TFAP4: variants seen among roughly 807,000 people sequenced by gnomAD.
The protein encoded by TFAP4 is activating enhancer-binding protein 4.
Under a neutral mutation model 40.4 loss-of-function variants are expected in TFAP4, and 7 were observed. The ratio of observed to expected loss-of-function variants is 0.17; its 90% CI spans 0.10 to 0.33. The LOEUF (loss-of-function observed/expected upper bound fraction) is 0.33. TFAP4 is among the 10% of genes least tolerant of loss of function. TFAP4 has a pLI of 1.00. For missense variants in TFAP4, 374 were observed against 451.1 expected, an observed-to-expected ratio of 0.83 and a Z score of 1.55; for synonymous variants, 218 against 181.4, an observed-to-expected ratio of 1.20 and a Z score of -1.62.
intron 1 of TFAP4, among the ~76,000 whole-genome samples, chr16:4,267,551 T>A (rs1179138228): frequency 1.3e-5 from 2 of 152,244 alleles, no homozygotes; most frequent in Non-Finnish European, 2.9e-5. Flanking sequence ...CTTGGAGGCA[T>A]GGGGCATGCC....
At chr16:4,272,625 T>C (rs770597535) in intron 1 of TFAP4, 33 bp downstream of exon 1, 1 of 1,492,872 alleles carries the variant, frequency 6.7e-7, no homozygotes, top group East Asian at 2.5e-5. Context: ...GCTGCAGTGG[T>C]AGGAAGGGGG....
chr16:4,270,135 A>C (rs1326006768), intron 1 of TFAP4, among the ~76,000 whole-genome samples: 1 of 152,176 alleles, frequency 6.6e-6, no homozygotes, highest in East Asian at 1.9e-4. Context: ...CAGTGAGCCA[A>C]GATTGCACTC....
Position 4,257,825 on chromosome 16 carries a change from G to C in TFAP4, c.*230C>G. The C allele has an allele frequency of 3.2e-4, 131 of 408,700 alleles. No homozygotes were observed. The highest frequency in any genetic ancestry group is 1.4e-3 in the Middle Eastern group (2 of 1,404). The allele number at this position is 408,700 out of a possible 1,614,324, so 25.3% of individuals were successfully genotyped here. On this transcript the variant is annotated 3_prime_UTR_variant, in exon 7 of 7. Coordinates refer to ENST00000204517, the MANE Select transcript of TFAP4 (RefSeq NM_003223.3). ...CTCCAGCCCCCGGGGCCGAGGCCCC[G>C]CCCTGGGGTGCCGATGCTCCCACAC...
Position 4,262,432 on chromosome 16 carries a change from T to G in TFAP4, c.256-10A>C. 2 of 1,614,010 alleles carry G rather than the reference T, an allele frequency of 1.2e-6. No homozygotes were observed. The highest frequency in any genetic ancestry group is 1.7e-6 in the Non-Finnish European group (2 of 1,179,964). On this transcript the variant is annotated splice_polypyrimidine_tract_variant and intron_variant, in intron 2 of 6. Transcript: ENST00000204517. The stretch of plus-strand genomic sequence containing the variant: ...GCTGGAGAATGGCTGCCTGAGGGCG[T>G]GGAAAAGCCGAGAGTCAGGCTGGCA...
Position 4,258,350 on chromosome 16 carries a change from T to C in TFAP4, c.823-101A>G, listed in dbSNP as rs147098490. 22 of 1,172,266 alleles carry C rather than the reference T, an allele frequency of 1.9e-5. No homozygotes were observed. In the Middle Eastern group the frequency reaches 6.9e-4, roughly 37 times the overall value. 72.6% of individuals were successfully genotyped at this position (1,172,266 alleles called of 1,614,324 possible). A position where few individuals can be genotyped will look rare whatever the true frequency, so the allele number is the denominator to read the frequency against. ...CAGCCACTGTCACCCCCAAAACACA[T>C]AGCCCAGAAAAAAGCCTGGCAAAGC... On this transcript the variant is annotated intron_variant, in intron 6 of 6. Transcript: ENST00000204517.
intron 3 of TFAP4, 164 bp from the exon 4 acceptor site, chr16:4,262,113 G>A: frequency 1.1e-6 from 1 of 900,292 alleles, no homozygotes; most frequent in Non-Finnish European, 1.7e-6. Context: ...AGAATGGGCT[G>A]CTTTACATAA....
Position 4,258,203 on chromosome 16 carries a change from T to A in TFAP4, c.869A>T (p.Glu290Val). The change falls in exon 7 of 7, where the codon GAG becomes GTG. Residue 290 changes from glutamate (E) to valine (V), a missense_variant. Glu to Val is a moderately radical substitution (Grantham distance 121, BLOSUM62 -2). Transcript: ENST00000204517. The stretch of plus-strand genomic sequence containing the variant: ...CACGATGACAGCTCGCCGCTGCTCC[T>A]CCTCCAGCTCCTGCTTTTCCTGGGT... The part of the protein sequence containing the change: ...EGTQEKQELE[E>V]EQRRAVIVKP... 3 of 1,608,946 alleles carry A rather than the reference T, an allele frequency of 1.9e-6. No homozygotes were observed. Among genetic ancestry groups the A allele is most frequent in the Non-Finnish European group, 2.6e-6 (3 of 1,176,224 alleles).
chr16:4,263,022 A>C, intron 1 of TFAP4: 1 of 305,264 alleles, frequency 3.3e-6, no homozygotes, highest in Non-Finnish European at 6.3e-6. Context: ...AAAAAATAAA[A>C]TTAGCCAGGT....
At chr16:4,268,700 T>G (rs924904142) in intron 1 of TFAP4, among the ~76,000 whole-genome samples, 3 of 152,144 alleles carry the variant, frequency 2.0e-5, no homozygotes, top group Non-Finnish European at 4.4e-5. Flanking sequence ...CAGGTCGTCC[T>G]CCTTCCTCAG....
At chr16:4,272,546 G>A in intron 1 of TFAP4, 112 bp downstream of exon 1, 1 of 713,982 alleles carries the variant, frequency 1.4e-6, no homozygotes, top group South Asian at 2.8e-5. Flanking sequence ...AGCTAAGAAA[G>A]GCTAGCGGGG....
rs1427041427 is a variant in TFAP4 at position 4,258,088 on chromosome 16, C to T, written c.984G>A (p.Arg328=). The T allele has an allele frequency of 6.2e-7, 1 of 1,613,314 alleles. No individual in the cohort carries two copies. Among genetic ancestry groups the T allele is most frequent in the African/African-American group, 1.3e-5 (1 of 75,024 alleles). ...GCTCCCCGTCCCCCGACGGCTCCTC[C>T]CGGCTCTGGTCCATGGCGTCACTGT... ...ASDSDAMDQS[R]EEPSGDGELP Residue 328 remains arginine, a synonymous_variant, in exon 7 of 7, where the codon CGG becomes CGA. Coordinates refer to ENST00000204517, the MANE Select transcript of TFAP4 (RefSeq NM_003223.3).
chr16:4,269,870 T>C (rs927072200), intron 1 of TFAP4, among the ~76,000 whole-genome samples: 1 of 152,078 alleles, frequency 6.6e-6, no homozygotes, highest in Non-Finnish European at 1.5e-5. Flanking sequence ...ACCATATACC[T>C]GCCCATATAC....
In TFAP4 at chr16:4,268,440, G is replaced by A. The variant is rs141629754; in HGVS notation, c.89+4218C>T. ...AGGCTGTGAGCTGCTGAGGACAGGA[G>A]TCACATCCTGTTCATGGCTGTATCC... On this transcript the variant is annotated intron_variant, in intron 1 of 6. Transcript: ENST00000204517. 3.6e-3 allele frequency among the ~76,000 whole-genome samples: 547 copies of A among 152,254 alleles called. 4 individuals are homozygous for A. Among genetic ancestry groups the A allele is most frequent in the African/African-American group, 0.012 (511 of 41,546 alleles).
intron 1 of TFAP4, among the ~76,000 whole-genome samples, chr16:4,271,204 G>A (rs908956340): frequency 6.6e-6 from 1 of 152,212 alleles, no homozygotes; most frequent in African/African-American, 2.4e-5. Context: ...GGACCCCCGG[G>A]GCAGAGGGTT....
At position 4,258,167 on chromosome 16, in the gene TFAP4, C is replaced by T. The variant is rs1365015489; in HGVS notation, c.905G>A (p.Arg302His). ...QRRAVIVKPV[R>H]SCPEAPTSDT... ...AGAGGTGGGGGCCTCCGGGCAGCTG[C>T]GGACAGGCTTCACGATGACAGCTCG... The change falls in exon 7 of 7, where the codon CGC becomes CAC. Residue 302 changes from arginine (R) to histidine (H), a missense_variant. Arg to His is a conservative substitution (Grantham distance 29). Around this residue, in one of 6 missense-constraint regions of TFAP4, gnomAD observed 93 missense variants for 79.2 expected, o/e 1.17. Transcript: ENST00000204517. 3.7e-6 allele frequency: 6 copies of T among 1,613,916 alleles called. No homozygotes were observed. Among genetic ancestry groups the T allele is most frequent in the Non-Finnish European group, 5.1e-6 (6 of 1,179,922 alleles).
chr16:4,260,421 C>A, intron 5 of TFAP4, 34 bp downstream of exon 5: 1 of 1,545,854 alleles, frequency 6.5e-7, no homozygotes, highest in South Asian at 1.2e-5. Context: ...CCTTCCCGGT[C>A]CCCAGAGCCC....
intron 6 of TFAP4, among the ~76,000 whole-genome samples, chr16:4,259,380 C>A (rs1258127640): frequency 6.6e-6 from 1 of 152,072 alleles, no homozygotes; most frequent in Non-Finnish European, 1.5e-5. Flanking sequence ...AGTGATCCAC[C>A]CACTTTGGCC....
Position 4,260,252 on chromosome 16 carries a change from G to A in TFAP4, c.667-7C>T. On this transcript the variant is annotated splice_polypyrimidine_tract_variant and splice_region_variant and intron_variant, in intron 5 of 6. Transcript: ENST00000204517. ...GGGCCGGAGGGGGCAGAAGCTGCAA[G>A]ACAGAGGCCCTCAGCCTTTCTCTCA... 1 of 1,559,888 alleles carries A rather than the reference G, an allele frequency of 6.4e-7. No homozygotes were observed. The highest frequency in any genetic ancestry group is 8.7e-7 in the Non-Finnish European group (1 of 1,155,606).
Position 4,260,224 on chromosome 16 carries a change from T to TGGGGCCACCACCCGGGGGGGGGGGGGGGG in TFAP4, c.687_688insCCCCCCCCCCCCCCCCGGGTGGTGGCCCC (p.Thr230ProfsTer16). ...GGCACGATCACCGTGGGGTGGTGGGTGGGGGCCGGAGGGGGCAGAAGCTGC... is the reference window on the plus strand; with the variant it reads ...GGCACGATCACCGTGGGGTGGTGGGTGGGGCCACCACCCGGGGGGGGGGGGGGGGGGGGGCCGGAGGGGGCAGAAGCTGC... On this transcript the variant is annotated frameshift_variant, in exon 6 of 7. Coordinates refer to ENST00000204517, the MANE Select transcript of TFAP4 (RefSeq NM_003223.3). LOFTEE classifies it high-confidence loss of function. 4.5e-6 allele frequency: 1 copy of TGGGGCCACCACCCGGGGGGGGGGGGGGGG among 223,764 alleles called. No homozygotes were observed. The highest frequency in any genetic ancestry group is 7.9e-6 in the Non-Finnish European group (1 of 126,040). The allele number at this position is 223,764 out of a possible 1,614,324, so 13.9% of individuals were successfully genotyped here. A position where few individuals can be genotyped will look rare whatever the true frequency, so the allele number is the denominator to read the frequency against.
Sources: gnomAD v4.1 joint callset for allele counts (sites outside exome capture counted in the v4.1 genomes callset) on GRCh38, gnomAD v4.1.1 for gene constraint, gnomAD v4.1.1 regional missense constraint, MANE v1.5 for transcripts, NCBI Gene and HGNC (gene_info 2026-07-23, HGNC 2026-07-21) for gene names.